Variants in RAB27A observed in about 807,000 individuals in gnomAD.
The protein encoded by RAB27A is RAB27A, member RAS oncogene family.
RAB27A carries 17 observed loss-of-function variants against 20.8 expected under a neutral mutation model. The ratio of observed to expected loss-of-function variants is 0.82; its 90% CI spans 0.56 to 1.23. The LOEUF (loss-of-function observed/expected upper bound fraction) is 1.23, where lower values mean the gene tolerates loss of function less well. Ranked by LOEUF, RAB27A falls within the 50% of genes most tolerant of loss-of-function variation. The pLI is 0.00. For missense variants in RAB27A, 277 were observed against 266.7 expected, an observed-to-expected ratio of 1.04 and a Z score of -0.27; for synonymous variants, 85 against 92.8, an observed-to-expected ratio of 0.92 and a Z score of 0.48.
chr15:55,262,060 A>G (rs1028657648), intron 2 of RAB27A, among the ~76,000 whole-genome samples: 1 of 152,034 alleles, frequency 6.6e-6, no homozygotes, highest in Non-Finnish European at 1.5e-5. Context: ...AAAGTTTTCA[A>G]TAAACTCTTT....
At chr15:55,257,878 G>A (rs909551844) in intron 2 of RAB27A, among the ~76,000 whole-genome samples, 12 of 151,880 alleles carry the variant, frequency 7.9e-5, no homozygotes, top group Non-Finnish European at 1.3e-4. Context: ...CTATAATCCC[G>A]GCTACTCAGG....
At chr15:55,297,778 G>T (rs1409933311) in intron 2 of RAB27A, among the ~76,000 whole-genome samples, 1 of 152,142 alleles carries the variant, frequency 6.6e-6, no homozygotes, top group African/African-American at 2.4e-5. Context: ...CACAAAATAG[G>T]AATCCATGAA....
rs1288513868 is a variant in RAB27A at position 55,230,482 on chromosome 15, T to A, written c.158A>T (p.Tyr53Phe). ...GGCTCCATCCGGCCCACTGGCTCTG[T>A]ACACCTAAAACAGCAAAGTGAAAGA... ...GIDFREKRVVYRASGPDGATG... is the reference protein window; with the variant it reads ...GIDFREKRVVFRASGPDGATG... The change falls in exon 4 of 7, where the codon TAC (tyrosine) becomes TTC (phenylalanine). Residue 53 changes from tyrosine to phenylalanine, a missense_variant. Physicochemically the swap from Tyr to Phe is conservative, Grantham distance 22. Transcript: ENST00000336787. The A allele has an allele frequency of 1.2e-6, 2 of 1,612,760 alleles. No individual in the cohort carries two copies. Among genetic ancestry groups the A allele is most frequent in the East Asian group, 2.2e-5 (1 of 44,862 alleles).
At chr15:55,220,011 A>AT (rs377076288) in intron 6 of RAB27A, among the ~76,000 whole-genome samples, 1 of 151,938 alleles carries the variant, frequency 6.6e-6, no homozygotes, top group East Asian at 1.9e-4. Flanking sequence ...GCCACTACAA[A>AT]TTTTTTTTCT....
At chr15:55,303,464 C>G (rs2054983184) in intron 2 of RAB27A, among the ~76,000 whole-genome samples, 1 of 54,144 alleles carries the variant, frequency 1.8e-5, no homozygotes. Flanking sequence ...CGGCCAGCCG[C>G]CCCGTCTGGG....
At chr15:55,277,413 C>A (rs559384933) in intron 1 of RAB27A, among the ~76,000 whole-genome samples, 2 of 152,064 alleles carry the variant, frequency 1.3e-5, no homozygotes, top group Non-Finnish European at 2.9e-5. Context: ...GAGGCAGAGG[C>A]GGGCAGGTCA....
intron 2 of RAB27A, among the ~76,000 whole-genome samples, chr15:55,246,125 A>C (rs556192776): frequency 5.8e-4 from 88 of 151,436 alleles, no homozygotes; most frequent in Non-Finnish European, 8.7e-4. Context: ...ATATATACAC[A>C]TTTATAAATG....
chr15:55,305,018 T>C (rs1255017625), intron 2 of RAB27A, among the ~76,000 whole-genome samples: 2 of 152,216 alleles, frequency 1.3e-5, no homozygotes, highest in Non-Finnish European at 2.9e-5. Context: ...TCTCAGGCGA[T>C]AGATGATTGG....
intron 2 of RAB27A, among the ~76,000 whole-genome samples, chr15:55,307,421 T>TGC (rs2055002425): frequency 1.3e-5 from 2 of 151,956 alleles, no homozygotes; most frequent in Non-Finnish European, 2.9e-5. Flanking sequence ...GGTTAGCTTG[T>TGC]TTAGATGTCG....
chr15:55,207,581 A>G (rs1473147890), intron 6 of RAB27A, among the ~76,000 whole-genome samples: 1 of 152,238 alleles, frequency 6.6e-6, no homozygotes, highest in Non-Finnish European at 1.5e-5. Flanking sequence ...AACTTTCCAT[A>G]TGTATATCAT....
At chr15:55,267,712 C>A (rs1274999248) in intron 2 of RAB27A, among the ~76,000 whole-genome samples, 2 of 152,272 alleles carry the variant, frequency 1.3e-5, no homozygotes, top group South Asian at 2.1e-4. Flanking sequence ...AAAAGATGAG[C>A]AGATATCTCA....
intron 6 of RAB27A, among the ~76,000 whole-genome samples, chr15:55,217,100 T>C (rs1895341189): frequency 6.6e-6 from 1 of 152,246 alleles, no homozygotes; most frequent in Non-Finnish European, 1.5e-5. Flanking sequence ...AACAAACTTC[T>C]TTCAATTAAA....
intron 1 of RAB27A, chr15:55,270,543 G>A (rs1033265446): frequency 6.6e-6 from 1 of 152,166 alleles, no homozygotes; most frequent in African/African-American, 2.4e-5. Flanking sequence ...CTCTTCTGGT[G>A]TTAGAAGACT....
exon 1 of RAB27A, chr15:55,319,102 C>T (rs546729155): frequency 1.4e-5 from 13 of 922,736 alleles, no homozygotes; most frequent in Middle Eastern, 3.6e-4. Context: ...GCAAGGAGGC[C>T]ACCACGTCGG....
intron 1 of RAB27A, among the ~76,000 whole-genome samples, chr15:55,287,875 A>C (rs1898199196): frequency 6.6e-6 from 1 of 152,238 alleles, no homozygotes; most frequent in Admixed American, 6.5e-5. Context: ...TAATCAAGGT[A>C]GTATGATACT....
chr15:55,210,102 A>G (rs1055899699), intron 6 of RAB27A, among the ~76,000 whole-genome samples: 1 of 146,480 alleles, frequency 6.8e-6, no homozygotes, highest in Non-Finnish European at 1.5e-5. Context: ...ATGTGTGTAT[A>G]TATACACACA....
rs367671832 is a variant in RAB27A, at chr15:55,308,340, G to A, written c.-112+5699C>T. Among the ~76,000 whole-genome samples the A allele has an allele frequency of 8.5e-5, 13 of 152,266 alleles. No individual in the cohort carries two copies. In the South Asian group the frequency reaches 1.5e-3, roughly 17 times the overall value. On this transcript the variant is annotated intron_variant, in intron 2 of 5. Transcript: ENST00000563262. ...CCCCTTCTCTCCATATTGCTGCATG[G>A]GCATGGAGGACTAGGTAAGCATACT... is the stretch of plus-strand genomic sequence containing the variant.
chr15:55,219,349 G>A (rs1216730125), intron 6 of RAB27A, among the ~76,000 whole-genome samples: 1 of 152,164 alleles, frequency 6.6e-6, no homozygotes, highest in Non-Finnish European at 1.5e-5. Context: ...ACTCATGCAT[G>A]GCACAAGTAG....
At chr15:55,217,557 C>T (rs1053120454) in intron 6 of RAB27A, among the ~76,000 whole-genome samples, 1 of 145,460 alleles carries the variant, frequency 6.9e-6, no homozygotes, top group Admixed American at 7.1e-5. Context: ...CCCAGCTACT[C>T]GGGAGGGTGA....
Sources: gnomAD v4.1 joint callset for allele counts (sites outside exome capture counted in the v4.1 genomes callset) on GRCh38, gnomAD v4.1.1 for gene constraint, MANE v1.5 for transcripts, NCBI Gene and HGNC (gene_info 2026-07-23, HGNC 2026-07-21) for gene names.